Variants in ADGRG7 observed in about 807,000 individuals in gnomAD.
ADGRG7 encodes adhesion G protein-coupled receptor G7.
In ADGRG7, 82 loss-of-function variants were observed where a neutral mutation model predicts 88.6. The observed-to-expected ratio is 0.93, with a 90% confidence interval of 0.77 to 1.11. ADGRG7 has a LOEUF of 1.11. Among genes scored for constraint, ADGRG7 ranks in the 50% most tolerant of loss-of-function variants. The pLI is 0.00. For synonymous variants in ADGRG7, 381 were observed against 345.2 expected, an observed-to-expected ratio of 1.10 and a Z score of -1.15; for missense variants, 945 against 953.4, an observed-to-expected ratio of 0.99 and a Z score of 0.12.
At chr3:100,625,913 C>T (rs1211696210) in intron 1 of ADGRG7, among the ~76,000 whole-genome samples, 1 of 151,998 alleles carries the variant, frequency 6.6e-6, no homozygotes, top group Admixed American at 6.6e-5. Flanking sequence ...TTTTGATGTG[C>T]TGCTGGATTC....
chr3:100,627,755 A>G lies in ADGRG7; in HGVS notation c.116-1843A>G, dbSNP rs150747605. Among the ~76,000 whole-genome samples the G allele has an allele frequency of 3.5e-3, 538 of 152,184 alleles. 5 individuals carry two copies. The highest frequency in any genetic ancestry group is 5.3e-3 in the Non-Finnish European group (363 of 68,008). ...TTGACTGACTGTGAAGTGTCTATGC[A>G]TGGTTTTTCTTGCATTTGTTTTTCT... is the stretch of plus-strand genomic sequence containing the variant. On this transcript the variant is annotated intron_variant, in intron 1 of 15. Coordinates refer to ENST00000273352, the MANE Select transcript of ADGRG7 (RefSeq NM_032787.3).
At position 100,695,109 on chromosome 3, in the gene ADGRG7, G is replaced by T; in HGVS notation, c.*108G>T. On this transcript the variant is annotated 3_prime_UTR_variant, in exon 16 of 16. Coordinates refer to ENST00000273352, the MANE Select transcript of ADGRG7 (RefSeq NM_032787.3). The stretch of plus-strand genomic sequence containing the variant: ...CAGAAAGTCTTCCTCAATGTATTTT[G>T]CTCAGGATTAAGAATTAGATAAAAC... The T allele has an allele frequency of 8.4e-7, 1 of 1,185,102 alleles. No individual in the cohort carries two copies. 73.4% of individuals were successfully genotyped at this position (1,185,102 alleles called of 1,614,324 possible). A position where few individuals can be genotyped will look rare whatever the true frequency, so the allele number is the denominator to read the frequency against.
intron 1 of ADGRG7, among the ~76,000 whole-genome samples, chr3:100,628,394 G>A (rs531466205): frequency 2.0e-5 from 3 of 146,752 alleles, no homozygotes; most frequent in Non-Finnish European, 4.5e-5. Context: ...TGAGATTACT[G>A]TGTCACCCAG....
At chr3:100,644,428 T>C (rs758435144) in intron 8 of ADGRG7, among the ~76,000 whole-genome samples, 9 of 152,234 alleles carry the variant, frequency 5.9e-5, no homozygotes, top group Non-Finnish European at 1.0e-4. Context: ...TTTTTTCTTT[T>C]AATTTAAAAA....
intron 14 of ADGRG7, among the ~76,000 whole-genome samples, chr3:100,666,882 T>G (rs2094952507): frequency 6.6e-6 from 1 of 152,174 alleles, no homozygotes; most frequent in African/African-American, 2.4e-5. Flanking sequence ...AAGCATCTGT[T>G]TAACAAAGCA....
At chr3:100,667,765 A>T (rs1356325824) in intron 14 of ADGRG7, among the ~76,000 whole-genome samples, 1 of 152,054 alleles carries the variant, frequency 6.6e-6, no homozygotes, top group Non-Finnish European at 1.5e-5. Flanking sequence ...ATCTTTCACA[A>T]TGGTTGAACT....
chr3:100,690,148 T>G (rs1488839532), intron 15 of ADGRG7, among the ~76,000 whole-genome samples: 1 of 152,240 alleles, frequency 6.6e-6, no homozygotes, highest in Non-Finnish European at 1.5e-5. Context: ...TGATACCCTT[T>G]CTTCCAGTTG....
intron 1 of ADGRG7, among the ~76,000 whole-genome samples, chr3:100,613,177 A>G (rs942320640): frequency 6.6e-6 from 1 of 152,230 alleles, no homozygotes; most frequent in Admixed American, 6.5e-5. Context: ...GGCGTGAGCC[A>G]CCGCACCTGG....
At chr3:100,621,101 G>A (rs747210144) in intron 1 of ADGRG7, among the ~76,000 whole-genome samples, 34 of 152,212 alleles carry the variant, frequency 2.2e-4, no homozygotes, top group Non-Finnish European at 4.1e-4. Context: ...AATGTTGTAT[G>A]TGTTCTGACT....
At chr3:100,623,997 G>A (rs754361015) in intron 1 of ADGRG7, among the ~76,000 whole-genome samples, 3 of 152,054 alleles carry the variant, frequency 2.0e-5, no homozygotes, top group Non-Finnish European at 4.4e-5. Flanking sequence ...TGTAAATAGT[G>A]CTGCAATAAA....
At chr3:100,669,308 A>G (rs1352186485) in intron 15 of ADGRG7, among the ~76,000 whole-genome samples, 3 of 151,924 alleles carry the variant, frequency 2.0e-5, no homozygotes, top group Non-Finnish European at 2.9e-5. Context: ...AACATGGGGA[A>G]ACCCCATCTC....
intron 15 of ADGRG7, among the ~76,000 whole-genome samples, chr3:100,674,049 G>A (rs1305883003): frequency 6.6e-6 from 1 of 152,122 alleles, no homozygotes; most frequent in Non-Finnish European, 1.5e-5. Context: ...CCTAAACACT[G>A]CTTTAAATGT....
chr3:100,626,564 A>G (rs1285397592), intron 1 of ADGRG7, among the ~76,000 whole-genome samples: 2 of 152,148 alleles, frequency 1.3e-5, no homozygotes. Context: ...AGGTGGGCGG[A>G]TCGTGAGGTC....
chr3:100,638,741 C>T (rs2149021853), intron 6 of ADGRG7, among the ~76,000 whole-genome samples: 1 of 152,122 alleles, frequency 6.6e-6, no homozygotes, highest in East Asian at 1.9e-4. Context: ...AGAACTCTAC[C>T]TGCTTTCTCT....
chr3:100,665,453 C>G (rs1226315144), intron 14 of ADGRG7: 1 of 535,262 alleles, frequency 1.9e-6, no homozygotes, highest in Non-Finnish European at 3.8e-6. Context: ...TCAGCAACAT[C>G]AAAACCACCA....
chr3:100,686,617 A>G (rs558259080), intron 15 of ADGRG7, among the ~76,000 whole-genome samples: 1 of 152,286 alleles, frequency 6.6e-6, no homozygotes, highest in Non-Finnish European at 1.5e-5. Flanking sequence ...TCCCAGCACT[A>G]TTTATTAAAT....
chr3:100,615,061 C>T (rs1179452748), intron 1 of ADGRG7, among the ~76,000 whole-genome samples: 1 of 152,120 alleles, frequency 6.6e-6, no homozygotes. Context: ...GCTGATGCTG[C>T]CTGTTGCAAT....
chr3:100,613,044 C>G (rs1185736934), intron 1 of ADGRG7, among the ~76,000 whole-genome samples: 2 of 152,136 alleles, frequency 1.3e-5, no homozygotes, highest in Non-Finnish European at 2.9e-5. Context: ...CACTCACCAC[C>G]ACGCCTGGCT....
intron 11 of ADGRG7, chr3:100,654,606 GAT>G (rs1391312030): frequency 2.2e-5 from 9 of 414,826 alleles, no homozygotes; most frequent in Non-Finnish European, 3.8e-5. Context: ...TTCAAGAAAA[GAT>G]ATGTCAACCT....
Sources: allele counts gnomAD v4.1 joint callset (sites outside exome capture counted in the v4.1 genomes callset), GRCh38; gene constraint gnomAD v4.1.1; transcripts MANE v1.5; gene names NCBI Gene and HGNC (gene_info 2026-07-23, HGNC 2026-07-21).